Variants in FGF5 observed in about 807,000 individuals in gnomAD.
The protein encoded by FGF5 is fibroblast growth factor 5, also known as heparin-binding growth factor 5.
A neutral mutation model predicts 21.8 loss-of-function variants in FGF5; 23 were observed. That is an observed-to-expected ratio of 1.05 (90% CI 0.76 to 1.49). FGF5 has a LOEUF of 1.49. Ranked by LOEUF, FGF5 falls within the 40% of genes most tolerant of loss-of-function variation. The pLI is 0.00. For missense variants in FGF5, 352 were observed against 332.9 expected (o/e 1.06, Z -0.45); for synonymous variants, 158 against 124.0 (o/e 1.27, Z -1.82).
rs1720837538 is a variant in FGF5 at position 80,289,473 on chromosome 4, A to G, written c.*2801A>G. 1 of 152,110 alleles carries G rather than the reference A, an allele frequency of 6.6e-6. No homozygotes were observed. The highest frequency in any genetic ancestry group is 6.6e-5 in the Admixed American group (1 of 15,256). The allele number at this position is 152,110 out of a possible 1,614,324, so 9.4% of individuals were successfully genotyped here. A position where few individuals can be genotyped will look rare whatever the true frequency, so the allele number is the denominator to read the frequency against. On this transcript the variant is annotated 3_prime_UTR_variant, in exon 3 of 3. Coordinates refer to ENST00000312465, the MANE Select transcript of FGF5 (RefSeq NM_004464.4). ...CTAGAACCACCAAATATCAAATAAA[A>G]TTATTTGGTTATGGTTATGTTCATC...
At chr4:80,271,963 G>A (rs1384610206) in intron 1 of FGF5, among the ~76,000 whole-genome samples, 1 of 152,150 alleles carries the variant, frequency 6.6e-6, no homozygotes, top group Non-Finnish European at 1.5e-5. Flanking sequence ...GTGATGTTTT[G>A]GGGAGGAGGG....
intron 1 of FGF5, among the ~76,000 whole-genome samples, chr4:80,267,758 TA>T (rs1459877249): frequency 3.4e-5 from 5 of 148,678 alleles, no homozygotes; most frequent in Non-Finnish European, 5.9e-5. Context: ...GATAGATAGA[TA>T]CACAGATAGA....
At chr4:80,267,234 G>T in intron 1 of FGF5, 55 bp downstream of exon 1, 1 of 1,413,082 alleles carries the variant, frequency 7.1e-7, no homozygotes, top group East Asian at 2.3e-5. Context: ...GAAGATTCGG[G>T]AGGGACAGCA....
rs573637098 is a variant in FGF5, at chr4:80,288,035, C to T, written c.*1363C>T. 3.3e-5 allele frequency: 5 copies of T among 152,146 alleles called. No individual in the cohort carries two copies. The South Asian group carries it at 1.0e-3, about 32-fold the overall frequency. 9.4% of individuals were successfully genotyped at this position (152,146 alleles called of 1,614,324 possible). ...TTTACAAAATTTATTCTCAGGTAATCATTTTAATAAAGTTCTGCAAAATAC... is the reference window on the plus strand; with the variant it reads ...TTTACAAAATTTATTCTCAGGTAATTATTTTAATAAAGTTCTGCAAAATAC... On this transcript the variant is annotated 3_prime_UTR_variant, in exon 3 of 3. Transcript: ENST00000312465.
At chr4:80,268,597 C>T (rs1720180995) in intron 1 of FGF5, 4 of 889,536 alleles carry the variant, frequency 4.5e-6, no homozygotes, top group African/African-American at 1.8e-5. Flanking sequence ...TAGCCTCCTC[C>T]GGTGGGTTAA....
chr4:80,278,896 CAGG>C (rs66517222), intron 2 of FGF5, among the ~76,000 whole-genome samples: 18,897 of 152,104 alleles, frequency 0.12, 1,325 homozygotes, highest in East Asian at 0.33. Context: ...TCATCAAGAG[CAGG>C]AGGAGATAAT....
At position 80,288,741 on chromosome 4, in the gene FGF5, C is replaced by T. The variant is rs1165470308; in HGVS notation, c.*2069C>T. On this transcript the variant is annotated 3_prime_UTR_variant, in exon 3 of 3. Coordinates refer to ENST00000312465, the MANE Select transcript of FGF5 (RefSeq NM_004464.4). The stretch of plus-strand genomic sequence containing the variant: ...TGAAGGGAAAGATAATAATGATGGT[C>T]AACAATAAGCCACGTCAATGCATAA... 2 of 152,442 alleles carry T rather than the reference C, an allele frequency of 1.3e-5. No individual in the cohort carries two copies. The highest frequency in any genetic ancestry group is 6.6e-5 in the Admixed American group (1 of 15,248). 9.4% of individuals were successfully genotyped at this position (152,442 alleles called of 1,614,324 possible).
At position 80,266,710 on chromosome 4, in the gene FGF5, C is replaced by A; in HGVS notation, c.-115C>A. ...CCCTCTCCCCTTCTCTTCCCCGAGG[C>A]TATGTCCACCCGGTGCGGCGAGGCG... is the stretch of plus-strand genomic sequence containing the variant. On this transcript the variant is annotated 5_prime_UTR_variant, in exon 1 of 3. Transcript: ENST00000312465. The A allele has an allele frequency of 1.1e-6, 1 of 888,200 alleles. No individual in the cohort carries two copies. The highest frequency in any genetic ancestry group is 1.7e-6 in the Non-Finnish European group (1 of 579,406). The allele number at this position is 888,200 out of a possible 1,614,324, so 55.0% of individuals were successfully genotyped here.
chr4:80,287,916 T>C lies in FGF5; in HGVS notation c.*1244T>C, dbSNP rs2109932309. On this transcript the variant is annotated 3_prime_UTR_variant, in exon 3 of 3. Coordinates refer to ENST00000312465, the MANE Select transcript of FGF5 (RefSeq NM_004464.4). ...AAACTGGCCTTTTGATAGAGGTAAC[T>C]TAATTTGGGAATTTGTTGTGTTGAA... 6.6e-6 allele frequency: 1 copy of C among 152,310 alleles called. No individual in the cohort carries two copies. Among genetic ancestry groups the C allele is most frequent in the Non-Finnish European group, 1.5e-5 (1 of 68,020 alleles). The allele number at this position is 152,310 out of a possible 1,614,324, so 9.4% of individuals were successfully genotyped here. A position where few individuals can be genotyped will look rare whatever the true frequency, so the allele number is the denominator to read the frequency against.
chr4:80,273,173 T>G (rs909469911), intron 1 of FGF5, among the ~76,000 whole-genome samples: 1 of 145,872 alleles, frequency 6.9e-6, no homozygotes. Context: ...GCACTGGTGG[T>G]TTTTTTTTTC....
Position 80,274,987 on chromosome 4 carries a change from C to T in FGF5, c.434C>T (p.Ser145Leu). 1 of 1,570,592 alleles carries T rather than the reference C, an allele frequency of 6.4e-7. No homozygotes were observed. Among genetic ancestry groups the T allele is most frequent in the South Asian group, 1.1e-5 (1 of 88,040 alleles). The change falls in exon 2 of 3, where the codon TCA becomes TTA. Residue 145 changes from serine (S) to leucine (L), a missense_variant. Transcript: ENST00000312465. ...TTCAGCAACAAATTTTTAGCGATGT[C>T]AAAAAAAGGAAAACTCCATGCAAGT... ...GVFSNKFLAM[S>L]KKGKLHASAK...
Position 80,286,599 on chromosome 4 carries a change from CAA to C in FGF5, c.736_737del (p.Lys246AspfsTer30). ...AAAAAGCCACCTAGCCCTATCAAGC[CAA>C]AGATTCCCCTTTCTGCACCTCGGAA... On this transcript the variant is annotated frameshift_variant, in exon 3 of 3. Coordinates refer to ENST00000312465, the MANE Select transcript of FGF5 (RefSeq NM_004464.4). LOFTEE classifies it high-confidence loss of function. The C allele has an allele frequency of 6.2e-7, 1 of 1,614,040 alleles. No homozygotes were observed. Among genetic ancestry groups the C allele is most frequent in the Non-Finnish European group, 8.5e-7 (1 of 1,179,966 alleles).
chr4:80,286,548 C>G lies in FGF5; in HGVS notation c.683C>G (p.Ser228Cys). Residue 228 changes from serine (S) to cysteine (C), a missense_variant, in exon 3 of 3, where the codon TCT becomes TGT. Coordinates refer to ENST00000312465, the MANE Select transcript of FGF5 (RefSeq NM_004464.4). ...RFKQSEQPEL[S>C]FTVTVPEKKK... The stretch of plus-strand genomic sequence containing the variant: ...AAGCAGTCGGAGCAGCCAGAACTTT[C>G]TTTCACGGTTACTGTTCCTGAAAAG... The G allele has an allele frequency of 6.2e-7, 1 of 1,614,038 alleles. No homozygotes were observed. The highest frequency in any genetic ancestry group is 1.3e-5 in the African/African-American group (1 of 75,022).
chr4:80,267,307 C>G, intron 1 of FGF5, 128 bp downstream of exon 1: 1 of 726,940 alleles, frequency 1.4e-6, no homozygotes, highest in Non-Finnish European at 2.2e-6. Context: ...AGCTGATACT[C>G]AGAAACAGCC....
chr4:80,281,463 C>T (rs1720553864), intron 2 of FGF5, among the ~76,000 whole-genome samples: 1 of 151,788 alleles, frequency 6.6e-6, no homozygotes, highest in Non-Finnish European at 1.5e-5. Flanking sequence ...GGCTTTTTTT[C>T]CCTTAACTTT....
At chr4:80,280,771 G>A (rs539969451) in intron 2 of FGF5, among the ~76,000 whole-genome samples, 1 of 152,216 alleles carries the variant, frequency 6.6e-6, no homozygotes, top group South Asian at 2.1e-4. Context: ...AGAAAGTCAT[G>A]CTATACCATG....
At chr4:80,272,625 G>A (rs4690115) in intron 1 of FGF5, among the ~76,000 whole-genome samples, 149,062 of 152,224 alleles carry the variant, frequency 0.98, 72,988 homozygotes, top group East Asian at 1. Flanking sequence ...CTTTTATTCT[G>A]CCATGTATTT....
At chr4:80,284,224 A>G (rs1463233546) in intron 2 of FGF5, among the ~76,000 whole-genome samples, 1 of 152,192 alleles carries the variant, frequency 6.6e-6, no homozygotes, top group African/African-American at 2.4e-5. Context: ...ATCTGAGGTC[A>G]GGAATTCGAG....
At chr4:80,279,304 T>G (rs1720492904) in intron 2 of FGF5, among the ~76,000 whole-genome samples, 1 of 152,236 alleles carries the variant, frequency 6.6e-6, no homozygotes, top group South Asian at 2.1e-4. Context: ...TTAAACAAGA[T>G]AATACACATA....
Sources: gnomAD v4.1 joint callset for allele counts (sites outside exome capture counted in the v4.1 genomes callset) on GRCh38, gnomAD v4.1.1 for gene constraint, MANE v1.5 for transcripts, NCBI Gene and HGNC (gene_info 2026-07-23, HGNC 2026-07-21) for gene names.